LRP2: variants seen among roughly 807,000 people sequenced by gnomAD.
LRP2 encodes low-density lipoprotein receptor-related protein 2.
Under a neutral mutation model 531.0 loss-of-function variants are expected in LRP2, and 172 were observed. That is an observed-to-expected ratio of 0.32 (90% confidence interval 0.29 to 0.37). The LOEUF is 0.37. LRP2 is among the 10% of genes least tolerant of loss of function. The pLI is 1.00. For missense variants in LRP2, 5,167 were observed against 5,868.3 expected (o/e 0.88, Z 3.90); for synonymous variants, 1,992 against 2,027.6 (o/e 0.98, Z 0.47).
At chr2:169,327,078 G>C (rs1303935233) in intron 1 of LRP2, among the ~76,000 whole-genome samples, 1 of 151,162 alleles carries the variant, frequency 6.6e-6, no homozygotes, top group Non-Finnish European at 1.5e-5. Flanking sequence ...CAGTCCGGGA[G>C]GGAGGTGGGG....
intron 1 of LRP2, among the ~76,000 whole-genome samples, chr2:169,339,560 T>C (rs909959281): frequency 2.6e-5 from 4 of 152,220 alleles, no homozygotes; most frequent in African/African-American, 9.6e-5. Flanking sequence ...TTAAGAAATT[T>C]AGTAATAATT....
At chr2:169,286,725 C>A (rs1683868793) in intron 9 of LRP2, among the ~76,000 whole-genome samples, 1 of 152,152 alleles carries the variant, frequency 6.6e-6, no homozygotes, top group Non-Finnish European at 1.5e-5. Flanking sequence ...CATCACAAGA[C>A]TGAATTAGCG....
At chr2:169,299,832 A>G (rs1379054331) in intron 4 of LRP2, among the ~76,000 whole-genome samples, 1 of 152,138 alleles carries the variant, frequency 6.6e-6, no homozygotes, top group Non-Finnish European at 1.5e-5. Context: ...CCCCAGCATT[A>G]TAAGAGTAGC....
intron 1 of LRP2, among the ~76,000 whole-genome samples, chr2:169,321,845 A>T (rs1287426882): frequency 1.3e-5 from 2 of 152,220 alleles, no homozygotes; most frequent in African/African-American, 4.8e-5. Context: ...TACTGGAAGG[A>T]CAATATAACT....
chr2:169,206,934 A>T lies in LRP2; in HGVS notation c.6786T>A (p.Arg2262=), dbSNP rs1169722713. The change falls in exon 39 of 79, where the codon CGT becomes CGA. Residue 2262 remains arginine (R), a synonymous_variant. Transcript: ENST00000649046. Reference sequence around the variant, plus strand: ...TCACTTCAGAGTTCTCTCCATTGATACGAATCCTTGCAATTATATCTAAAG... The same window carrying T: ...TCACTTCAGAGTTCTCTCCATTGATTCGAATCCTTGCAATTATATCTAAAG... The part of the protein sequence containing the change: ...DDSLDIIARI[R]INGENSEVIR... 9 of 1,614,236 alleles carry T rather than the reference A, an allele frequency of 5.6e-6. No homozygotes were observed. Among genetic ancestry groups the T allele is most frequent in the Non-Finnish European group, 5.9e-6 (7 of 1,180,046 alleles).
rs1380172311 is a variant in LRP2, at chr2:169,277,971, G to A, written c.1566-20C>T. Reference sequence around the variant, plus strand: ...AAATAACTACAAAAGAAAAACAGAAGATGAAAGAATCTGGTATTTTACAAG... The same window carrying A: ...AAATAACTACAAAAGAAAAACAGAAAATGAAAGAATCTGGTATTTTACAAG... On this transcript the variant is annotated intron_variant, in intron 12 of 78. Transcript: ENST00000649046. The A allele has an allele frequency of 6.3e-7, 1 of 1,592,126 alleles. No individual in the cohort carries two copies. Among genetic ancestry groups the A allele is most frequent in the Non-Finnish European group, 8.6e-7 (1 of 1,160,574 alleles).
intron 38 of LRP2, 137 bp downstream of exon 38, chr2:169,209,316 A>T (rs1688509290): frequency 1.3e-6 from 1 of 768,250 alleles, no homozygotes; most frequent in Non-Finnish European, 2.3e-6. Context: ...CTTAATCTAG[A>T]TTCAATGTAT....
At chr2:169,259,453 CTGACA>C (rs1295105553) in intron 16 of LRP2, among the ~76,000 whole-genome samples, 1 of 151,492 alleles carries the variant, frequency 6.6e-6, no homozygotes, top group Non-Finnish European at 1.5e-5. Context: ...AGATATGATA[CTGACA>C]AACAGAACCA....
At chr2:169,144,354 G>C (rs1685829337) in intron 70 of LRP2, among the ~76,000 whole-genome samples, 1 of 152,054 alleles carries the variant, frequency 6.6e-6, no homozygotes. Context: ...AACAGGCTGG[G>C]CTGGGGCTGT....
intron 16 of LRP2, among the ~76,000 whole-genome samples, chr2:169,268,657 A>G (rs537334120): frequency 8.5e-5 from 13 of 152,316 alleles, no homozygotes; most frequent in South Asian, 4.1e-4. Context: ...TACTGAATGG[A>G]CAAAAACTGG....
chr2:169,259,077 C>T lies in LRP2; in HGVS notation c.2461G>A (p.Val821Ile), dbSNP rs1416314358. Residue 821 changes from valine (V) to isoleucine (I), a missense_variant, in exon 17 of 79, where the codon GTA becomes ATA. By Grantham distance (29) the Val-to-Ile change is conservative. This residue lies in a region of LRP2 where 2,811 missense variants were observed against 3,058.0 expected (regional missense o/e 0.92). Transcript: ENST00000649046. Reference sequence around the variant, plus strand: ...CGTGGGTTATTTAAATACTGAACTACTGTGCGTCTCGTTTTATCAGCTAGC... The same window carrying T: ...CGTGGGTTATTTAAATACTGAACTATTGTGCGTCTCGTTTTATCAGCTAGC... ...MRLADKTRRT[V>I]VQYLNNPRSV... 6.2e-7 allele frequency: 1 copy of T among 1,613,334 alleles called. No individual in the cohort carries two copies. The highest frequency in any genetic ancestry group is 8.5e-7 in the Non-Finnish European group (1 of 1,179,606).
At position 169,273,004 on chromosome 2, in the gene LRP2, G is replaced by C; in HGVS notation, c.2039C>G (p.Thr680Arg). The C allele has an allele frequency of 6.2e-7, 1 of 1,613,728 alleles. No homozygotes were observed. The highest frequency in any genetic ancestry group is 2.2e-5 in the East Asian group (1 of 44,864). The change falls in exon 15 of 79, where the codon ACA becomes AGA. Residue 680 changes from threonine to arginine, a missense_variant. This residue lies in a region of LRP2 where 2,811 missense variants were observed against 3,058.0 expected (regional missense o/e 0.92). Transcript: ENST00000649046. ...ACGGAAACCCAAACCATCATTATCT[G>C]TTCTGTGGCTGAGGACACAGACCTG... is the stretch of plus-strand genomic sequence containing the variant. ...CEQVCVLSHRTDNDGLGFRCK... is the reference protein window; with the variant it reads ...CEQVCVLSHRRDNDGLGFRCK...
At chr2:169,174,199 G>C in intron 55 of LRP2, 35 bp from the exon 56 acceptor site, 1 of 1,613,894 alleles carries the variant, frequency 6.2e-7, no homozygotes, top group Non-Finnish European at 8.5e-7. Flanking sequence ...CAGCTTGGAA[G>C]GCATCAAGAA....
At position 169,282,953 on chromosome 2, in the gene LRP2, C is replaced by G; in HGVS notation, c.1091G>C (p.Ser364Thr). Residue 364 changes from serine (S) to threonine (T), a missense_variant, in exon 10 of 79, where the codon AGC (serine) becomes ACC (threonine). Physicochemically the swap from Ser to Thr is moderately conservative, Grantham distance 58. Transcript: ENST00000649046. Reference protein sequence around the residue: ...IWGICDQKCESRPGRHLCHCE... With the variant: ...IWGICDQKCETRPGRHLCHCE... ...GTGGCACAGGTGACGGCCAGGTCGG[C>G]TTTCACACTTCTGGTCACAAATTCC... 1 of 1,614,154 alleles carries G rather than the reference C, an allele frequency of 6.2e-7. No homozygotes were observed. The highest frequency in any genetic ancestry group is 8.5e-7 in the Non-Finnish European group (1 of 1,180,000).
At chr2:169,288,545 T>C (rs1431958219) in intron 9 of LRP2, among the ~76,000 whole-genome samples, 2 of 149,068 alleles carry the variant, frequency 1.3e-5, no homozygotes, top group African/African-American at 5.0e-5. Flanking sequence ...AATGACCTGG[T>C]GATCCTCTGC....
chr2:169,336,337 A>G (rs1685402903), intron 1 of LRP2, among the ~76,000 whole-genome samples: 1 of 152,042 alleles, frequency 6.6e-6, no homozygotes, highest in Admixed American at 6.6e-5. Context: ...CAGGAGTTCA[A>G]CACCAGCCTG....
chr2:169,248,277 A>G (rs764806028), intron 19 of LRP2, among the ~76,000 whole-genome samples: 7 of 152,240 alleles, frequency 4.6e-5, no homozygotes, highest in Non-Finnish European at 1.0e-4. Context: ...AATTGCATCA[A>G]TGTGGATTTT....
rs761584729 is a variant in LRP2, at chr2:169,168,683, T to TG, written c.11498-8dup. ...CCATCAGGAAAGCGTGTGGCTGCCA[T>TG]GGGGGAAAAAAACATATTCAAATTA... is the stretch of plus-strand genomic sequence containing the variant. On this transcript the variant is annotated splice_region_variant and splice_polypyrimidine_tract_variant and intron_variant, in intron 60 of 78. Coordinates refer to ENST00000649046, the MANE Select transcript of LRP2 (RefSeq NM_004525.3). 4 of 1,612,650 alleles carry TG rather than the reference T, an allele frequency of 2.5e-6. No homozygotes were observed. The highest frequency in any genetic ancestry group is 1.7e-4 in the Middle Eastern group (1 of 6,058).
In LRP2 at chr2:169,173,241, C is replaced by T. The variant is rs753410433; in HGVS notation, c.11015-17G>A. 3 of 1,614,056 alleles carry T rather than the reference C, an allele frequency of 1.9e-6. No homozygotes were observed. The highest frequency in any genetic ancestry group is 2.5e-6 in the Non-Finnish European group (3 of 1,180,006). ...CAGAGCTCACTGAAAAGGGAGGAGG[C>T]ATCAAAGTCAGAACTGAAGGTACAA... is the stretch of plus-strand genomic sequence containing the variant. On this transcript the variant is annotated splice_polypyrimidine_tract_variant and intron_variant, in intron 56 of 78. Transcript: ENST00000649046.
Sources: gnomAD v4.1 joint callset for allele counts (sites outside exome capture counted in the v4.1 genomes callset) on GRCh38, gnomAD v4.1.1 for gene constraint, gnomAD v4.1.1 regional missense constraint, MANE v1.5 for transcripts, NCBI Gene and HGNC (gene_info 2026-07-23, HGNC 2026-07-21) for gene names.